The following CADPS2 variants were observed in gnomAD, a reference collection of about 807,000 sequenced individuals.
The protein encoded by CADPS2 is calcium dependent secretion activator 2.
A neutral mutation model predicts 172.5 loss-of-function variants in CADPS2; 93 were observed. The ratio of observed to expected loss-of-function variants is 0.54; its 90% CI spans 0.46 to 0.64. The LOEUF (loss-of-function observed/expected upper bound fraction) is 0.64. Ranked by LOEUF, CADPS2 falls within the 30% of genes least tolerant of loss-of-function variation. The pLI, the probability that CADPS2 is intolerant of heterozygous loss-of-function variation, is 0.00. For synonymous variants in CADPS2, 546 were observed against 555.2 expected, an observed-to-expected ratio of 0.98 and a Z score of 0.23; for missense variants, 1,420 against 1,565.9, an observed-to-expected ratio of 0.91 and a Z score of 1.57.
intron 9 of CADPS2, among the ~76,000 whole-genome samples, chr7:122,505,754 T>C (rs934039645): frequency 2.0e-5 from 3 of 152,226 alleles, no homozygotes; most frequent in Non-Finnish European, 4.4e-5. Context: ...CTGCAACCTA[T>C]TAATGCTATC....
At chr7:122,670,891 C>A (rs2081765024) in intron 2 of CADPS2, among the ~76,000 whole-genome samples, 2 of 151,450 alleles carry the variant, frequency 1.3e-5, no homozygotes, top group Non-Finnish European at 2.9e-5. Flanking sequence ...AAAAAAGTCC[C>A]AAACTTCTTC....
At chr7:122,831,072 A>G (rs1013974810) in intron 1 of CADPS2, among the ~76,000 whole-genome samples, 1 of 152,212 alleles carries the variant, frequency 6.6e-6, no homozygotes, top group Non-Finnish European at 1.5e-5. Flanking sequence ...GAGAAAGAGA[A>G]GTTTAGAAGT....
chr7:122,632,700 T>C (rs185055856), intron 3 of CADPS2, among the ~76,000 whole-genome samples: 105 of 152,354 alleles, frequency 6.9e-4, no homozygotes, highest in African/African-American at 2.4e-3. Context: ...TTTAGATTAA[T>C]TAGGTCCCAC....
chr7:122,589,749 C>T (rs1415466950), intron 6 of CADPS2, among the ~76,000 whole-genome samples: 2 of 151,820 alleles, frequency 1.3e-5, no homozygotes, highest in African/African-American at 4.8e-5. Context: ...AACATAGAAA[C>T]TGTTGTATAA....
chr7:122,854,833 AG>A (rs1814719898), intron 1 of CADPS2, among the ~76,000 whole-genome samples: 1 of 152,240 alleles, frequency 6.6e-6, no homozygotes, highest in Non-Finnish European at 1.5e-5. Context: ...ACACTGTTTC[AG>A]CACTATAGGT....
chr7:122,866,578 G>A (rs901227803), intron 1 of CADPS2, among the ~76,000 whole-genome samples: 1 of 152,182 alleles, frequency 6.6e-6, no homozygotes, highest in Non-Finnish European at 1.5e-5. Context: ...GCACGCACCT[G>A]TAGTCCCAGC....
At chr7:122,691,708 T>G (rs1394693624) in intron 2 of CADPS2, among the ~76,000 whole-genome samples, 1 of 152,162 alleles carries the variant, frequency 6.6e-6, no homozygotes, top group Non-Finnish European at 1.5e-5. Flanking sequence ...TGGAGCAATG[T>G]TGATTGAGAG....
intron 1 of CADPS2, among the ~76,000 whole-genome samples, chr7:122,885,621 T>C (rs922355197): frequency 2.6e-5 from 4 of 152,074 alleles, no homozygotes; most frequent in Admixed American, 1.3e-4. Context: ...TCTAGCAATA[T>C]CACGCCAGGC....
intron 1 of CADPS2, among the ~76,000 whole-genome samples, chr7:122,774,097 AG>A (rs2093790794): frequency 6.6e-6 from 1 of 152,100 alleles, no homozygotes; most frequent in African/African-American, 2.4e-5. Context: ...AAAATAAAAA[AG>A]AGAAAGAATA....
At chr7:122,622,311 T>C (rs946084177) in intron 4 of CADPS2, among the ~76,000 whole-genome samples, 1 of 152,114 alleles carries the variant, frequency 6.6e-6, no homozygotes, top group Non-Finnish European at 1.5e-5. Flanking sequence ...ATAAATTCAG[T>C]TTTTTACTAA....
At chr7:122,814,918 A>G (rs1176158007) in intron 1 of CADPS2, among the ~76,000 whole-genome samples, 3 of 152,130 alleles carry the variant, frequency 2.0e-5, no homozygotes, top group Non-Finnish European at 4.4e-5. Context: ...AACTTCCTTT[A>G]GACAATTTGG....
intron 1 of CADPS2, among the ~76,000 whole-genome samples, chr7:122,865,322 T>C (rs139460850): frequency 5.3e-5 from 8 of 152,290 alleles, no homozygotes; most frequent in African/African-American, 1.9e-4. Context: ...TTGCCCAGCC[T>C]CAGGTATTTC....
intron 8 of CADPS2, among the ~76,000 whole-genome samples, chr7:122,530,146 C>T (rs933738801): frequency 1.3e-5 from 2 of 152,038 alleles, no homozygotes; most frequent in Non-Finnish European, 2.9e-5. Flanking sequence ...GTAGTTCCTA[C>T]AAGACAGACT....
In CADPS2 at chr7:122,716,571, C is replaced by G. The variant is rs144735234; in HGVS notation, c.453+20384G>C. Among the ~76,000 whole-genome samples, 30 of 152,138 alleles carry G rather than the reference C, an allele frequency of 2.0e-4. No individual in the cohort carries two copies. In the East Asian group the frequency reaches 5.8e-3, roughly 30 times the overall value. ...GGAGGGATAGCATTAGGAGATATACCTAAGGTAAATGATGAGTTAATGGGT... is the reference window on the plus strand; with the variant it reads ...GGAGGGATAGCATTAGGAGATATACGTAAGGTAAATGATGAGTTAATGGGT... On this transcript the variant is annotated intron_variant, in intron 2 of 29. Coordinates refer to ENST00000449022, the MANE Select transcript of CADPS2 (RefSeq NM_017954.11).
At chr7:122,439,653 A>G (rs1046662218) in intron 16 of CADPS2, among the ~76,000 whole-genome samples, 44 of 142,348 alleles carry the variant, frequency 3.1e-4, no homozygotes, top group African/African-American at 9.9e-4. Context: ...TGAAAATAGC[A>G]AACTTTATCA....
intron 1 of CADPS2, among the ~76,000 whole-genome samples, chr7:122,857,278 T>C (rs1815546006): frequency 6.6e-6 from 1 of 152,252 alleles, no homozygotes. Flanking sequence ...TTCTTTTTTA[T>C]GTTTCTGTAC....
intron 15 of CADPS2, among the ~76,000 whole-genome samples, chr7:122,450,336 C>T (rs1352011524): frequency 4.0e-5 from 6 of 151,850 alleles, no homozygotes; most frequent in South Asian, 4.2e-4. Flanking sequence ...TTATAAGACA[C>T]AATACATTAT....
intron 1 of CADPS2, among the ~76,000 whole-genome samples, chr7:122,778,736 C>G (rs1295272389): frequency 6.6e-6 from 1 of 152,170 alleles, no homozygotes; most frequent in African/African-American, 2.4e-5. Flanking sequence ...TGTGGGTGCA[C>G]AGAAGTCAAG....
rs563045840 is a variant in CADPS2, at chr7:122,610,734, T to C, written c.1223+4447A>G. On this transcript the variant is annotated intron_variant, in intron 6 of 29. Transcript: ENST00000449022. ...AAGATTATGTGGGGAAAAAAAACCA[T>C]GGCATTGAGATTATTAGAGAAGTTG... 3.3e-5 allele frequency among the ~76,000 whole-genome samples: 5 copies of C among 152,198 alleles called. 1 individual carries two copies. The South Asian group carries it at 6.2e-4, about 19-fold the overall frequency.
Sources: allele counts gnomAD v4.1 joint callset (sites outside exome capture counted in the v4.1 genomes callset), GRCh38; gene constraint gnomAD v4.1.1; transcripts MANE v1.5; gene names NCBI Gene and HGNC (gene_info 2026-07-23, HGNC 2026-07-21).